The following SOX5 variants were observed in gnomAD, a reference collection of about 807,000 sequenced individuals.
SOX5 encodes the protein SRY-box transcription factor 5, also known as transcription factor SOX-5.
Under a neutral mutation model 92.0 loss-of-function variants are expected in SOX5, and 9 were observed. The ratio of observed to expected loss-of-function variants is 0.10; its 90% confidence interval spans 0.06 to 0.17. SOX5 has a LOEUF of 0.17. Ranked by LOEUF, SOX5 falls within the 10% of genes least tolerant of loss-of-function variation. The pLI is 1.00. For synonymous variants in SOX5, 344 were observed against 336.3 expected, an observed-to-expected ratio of 1.02 and a Z score of -0.25; for missense variants, 642 against 944.5, an observed-to-expected ratio of 0.68 and a Z score of 4.20.
chr12:23,609,517 A>T (rs1426183945), intron 8 of SOX5, among the ~76,000 whole-genome samples: 1 of 152,056 alleles, frequency 6.6e-6, no homozygotes, highest in African/African-American at 2.4e-5. Flanking sequence ...ATTGCCAATT[A>T]ACTGGGGAAA....
chr12:24,276,007 A>C (rs1342159633), intron 3 of SOX5, among the ~76,000 whole-genome samples: 1 of 152,148 alleles, frequency 6.6e-6, no homozygotes, highest in Non-Finnish European at 1.5e-5. Flanking sequence ...AAATTAAGAT[A>C]TCACTGTCTT....
intron 1 of SOX5, among the ~76,000 whole-genome samples, chr12:24,469,533 T>C (rs146805762): frequency 2.6e-5 from 4 of 152,216 alleles, no homozygotes; most frequent in Non-Finnish European, 5.9e-5. Flanking sequence ...TTTATTTAAC[T>C]CATGCCTTTA....
chr12:23,655,138 A>T (rs1404838868), intron 7 of SOX5, among the ~76,000 whole-genome samples: 1 of 152,138 alleles, frequency 6.6e-6, no homozygotes, highest in Non-Finnish European at 1.5e-5. Flanking sequence ...TATAAAAAAT[A>T]CATTGTTCTT....
At chr12:24,022,934 C>T (rs925712925) in intron 4 of SOX5, among the ~76,000 whole-genome samples, 1 of 148,458 alleles carries the variant, frequency 6.7e-6, no homozygotes, top group Non-Finnish European at 1.5e-5. Flanking sequence ...AAAAAAAAAA[C>T]TGGCATGCTT....
chr12:24,329,667 C>A (rs1279009735), intron 2 of SOX5, among the ~76,000 whole-genome samples: 1 of 152,064 alleles, frequency 6.6e-6, no homozygotes, highest in Non-Finnish European at 1.5e-5. Flanking sequence ...TATTCATTTA[C>A]AATAATAAAA....
At chr12:23,558,232 C>T (rs547155059) in intron 11 of SOX5, among the ~76,000 whole-genome samples, 112 of 152,228 alleles carry the variant, frequency 7.4e-4, no homozygotes, top group Non-Finnish European at 1.1e-3. Flanking sequence ...AGGATTAGCT[C>T]TCTAATTTAG....
At chr12:24,376,519 G>T (rs982672513) in intron 1 of SOX5, among the ~76,000 whole-genome samples, 3 of 152,034 alleles carry the variant, frequency 2.0e-5, no homozygotes, top group Non-Finnish European at 4.4e-5. Flanking sequence ...CATGGTAGGA[G>T]AACTGGTAGC....
At chr12:23,749,289 G>T (rs994490822) in intron 4 of SOX5, among the ~76,000 whole-genome samples, 1 of 151,770 alleles carries the variant, frequency 6.6e-6, no homozygotes, top group Non-Finnish European at 1.5e-5. Context: ...AATTATGTAA[G>T]GAATACTATA....
chr12:23,704,728 A>ACATATACACACATACATG (rs1435834002), intron 6 of SOX5, among the ~76,000 whole-genome samples: 3 of 145,422 alleles, frequency 2.1e-5, no homozygotes, highest in Non-Finnish European at 4.6e-5. Context: ...ACACACACAC[A>ACATATACACACATACATG]CACATACACA....
At chr12:24,354,219 T>C (rs1019543640) in intron 2 of SOX5, among the ~76,000 whole-genome samples, 1 of 152,244 alleles carries the variant, frequency 6.6e-6, no homozygotes, top group African/African-American at 2.4e-5. Context: ...TCAATTCACC[T>C]GATCTGAAAA....
chr12:24,075,550 C>CAT (rs953932479), intron 4 of SOX5, among the ~76,000 whole-genome samples: 1 of 152,006 alleles, frequency 6.6e-6, no homozygotes, highest in Non-Finnish European at 1.5e-5. Flanking sequence ...GGGGTAGAGC[C>CAT]ATAATCCAAA....
intron 1 of SOX5, among the ~76,000 whole-genome samples, chr12:24,426,880 G>C (rs1009690014): frequency 2.0e-5 from 3 of 151,964 alleles, no homozygotes; most frequent in Non-Finnish European, 4.4e-5. Context: ...TATTTATCTA[G>C]TAAACTTTGA....
At chr12:24,513,281 A>G (rs767923834) in intron 1 of SOX5, among the ~76,000 whole-genome samples, 32 of 152,372 alleles carry the variant, frequency 2.1e-4, no homozygotes, top group Non-Finnish European at 3.1e-4. Flanking sequence ...TTTTGCATTT[A>G]TGATGGGCTT....
chr12:24,041,867 G>T (rs1235734915), intron 4 of SOX5, among the ~76,000 whole-genome samples: 2 of 152,032 alleles, frequency 1.3e-5, no homozygotes, highest in African/African-American at 4.8e-5. Flanking sequence ...AATTTGGTAA[G>T]ACTTGCTTTA....
At chr12:24,108,731 G>A (rs1946977152) in intron 4 of SOX5, among the ~76,000 whole-genome samples, 1 of 152,088 alleles carries the variant, frequency 6.6e-6, no homozygotes, top group Non-Finnish European at 1.5e-5. Flanking sequence ...TTTATTAACA[G>A]AGTTCTCTCC....
chr12:24,394,163 T>C (rs1959237267), intron 1 of SOX5, among the ~76,000 whole-genome samples: 1 of 152,158 alleles, frequency 6.6e-6, no homozygotes, highest in Non-Finnish European at 1.5e-5. Flanking sequence ...GCATTTCTCT[T>C]GGGCTAATCA....
chr12:24,202,925 G>C (rs1957666817), intron 4 of SOX5, among the ~76,000 whole-genome samples: 1 of 152,190 alleles, frequency 6.6e-6, no homozygotes. Flanking sequence ...TAAGTATTTT[G>C]AGAGGAGATA....
In SOX5 at chr12:24,156,180, A is replaced by C. The variant is rs142099807; in HGVS notation, c.-2+57163T>G. ...CCGTTACCTGTAGGCTTATAGCCAAAGACTGCCTAGTAGGACAGTGTGAAA... is the reference window on the plus strand; with the variant it reads ...CCGTTACCTGTAGGCTTATAGCCAACGACTGCCTAGTAGGACAGTGTGAAA... On this transcript the variant is annotated intron_variant, in intron 4 of 4. Coordinates refer to the SOX5 transcript ENST00000446891. Among the ~76,000 whole-genome samples the C allele has an allele frequency of 6.9e-4, 105 of 152,258 alleles. 2 individuals are homozygous for C. The East Asian group carries it at 0.019, about 27-fold the overall frequency.
At chr12:23,893,622 A>C (rs1242935333) in intron 2 of SOX5, among the ~76,000 whole-genome samples, 1 of 152,110 alleles carries the variant, frequency 6.6e-6, no homozygotes, top group Non-Finnish European at 1.5e-5. Context: ...AATTATCTAC[A>C]TTCATCTCTG....
Sources: gnomAD v4.1 joint callset for allele counts (sites outside exome capture counted in the v4.1 genomes callset) on GRCh38, gnomAD v4.1.1 for gene constraint, MANE v1.5 for transcripts, NCBI Gene and HGNC (gene_info 2026-07-23, HGNC 2026-07-21) for gene names.